Variants in SORCS2 observed in about 807,000 individuals in gnomAD.
The protein encoded by SORCS2 is sortilin related VPS10 domain containing receptor 2, also known as VPS10 domain-containing receptor SorCS2.
A neutral mutation model predicts 141.6 loss-of-function variants in SORCS2; 100 were observed. The ratio of observed to expected loss-of-function variants is 0.71; its 90% CI spans 0.60 to 0.83. The LOEUF (loss-of-function observed/expected upper bound fraction) is 0.83, where lower values mean the gene tolerates loss of function less well. Ranked by LOEUF, SORCS2 falls within the 40% of genes least tolerant of loss-of-function variation. The pLI is 0.00. For missense variants in SORCS2, 1,646 were observed against 1,560.2 expected (o/e 1.05, Z -0.93); for synonymous variants, 789 against 676.9 (o/e 1.17, Z -2.57).
At chr4:7,618,891 C>T (rs1046164351) in intron 3 of SORCS2, among the ~76,000 whole-genome samples, 4 of 152,052 alleles carry the variant, frequency 2.6e-5, no homozygotes. Context: ...AAGTCTCGGG[C>T]GGGGGCAGGA....
At chr4:7,349,888 C>T (rs1036968747) in intron 1 of SORCS2, among the ~76,000 whole-genome samples, 3 of 152,296 alleles carry the variant, frequency 2.0e-5, no homozygotes, top group African/African-American at 7.2e-5. Context: ...TGAAACAACT[C>T]TCCCAAGTGT....
chr4:7,453,226 T>C (rs1487892140), intron 2 of SORCS2, among the ~76,000 whole-genome samples: 65 of 35,984 alleles, frequency 1.8e-3, no homozygotes, highest in Middle Eastern at 0.031. Context: ...GTGTTGGGGT[T>C]AGGAGCTGTG....
intron 2 of SORCS2, among the ~76,000 whole-genome samples, chr4:7,489,728 T>C (rs1250534386): frequency 7.0e-6 from 1 of 143,862 alleles, no homozygotes; most frequent in East Asian, 1.9e-4. Flanking sequence ...GCATTTCTGA[T>C]GTTCACAGAC....
chr4:7,658,927 C>G (rs573210165), intron 5 of SORCS2, among the ~76,000 whole-genome samples: 38 of 152,320 alleles, frequency 2.5e-4, no homozygotes, highest in African/African-American at 9.1e-4. Flanking sequence ...GCTCCTGCCC[C>G]CAACGCTGAG....
chr4:7,342,238 T>G (rs1165758868), intron 1 of SORCS2, among the ~76,000 whole-genome samples: 1 of 151,852 alleles, frequency 6.6e-6, no homozygotes, highest in East Asian at 2.0e-4. Flanking sequence ...GTGACAGTGA[T>G]GTGGACATGG....
At chr4:7,724,920 TG>T (rs1727078793) in intron 19 of SORCS2, among the ~76,000 whole-genome samples, 3 of 33,286 alleles carry the variant, frequency 9.0e-5, no homozygotes, top group African/African-American at 5.2e-4. Context: ...TTGGTGGGAA[TG>T]GATGGTGGTA....
At chr4:7,196,900 T>C (rs1471341977) in intron 1 of SORCS2, among the ~76,000 whole-genome samples, 1 of 152,188 alleles carries the variant, frequency 6.6e-6, no homozygotes, top group African/African-American at 2.4e-5. Flanking sequence ...TCTACTATAC[T>C]ACCCATGGCC....
chr4:7,680,124 G>A (rs980369108), intron 9 of SORCS2, among the ~76,000 whole-genome samples: 6 of 152,182 alleles, frequency 3.9e-5, no homozygotes, highest in Admixed American at 2.0e-4. Flanking sequence ...AAAGACTTGC[G>A]GCACATTCCC....
intron 2 of SORCS2, among the ~76,000 whole-genome samples, chr4:7,521,543 C>T (rs1733329262): frequency 6.6e-6 from 1 of 152,234 alleles, no homozygotes; most frequent in Non-Finnish European, 1.5e-5. Flanking sequence ...CTGGGTACCT[C>T]TTCGCGGGTT....
intron 1 of SORCS2, among the ~76,000 whole-genome samples, chr4:7,204,249 T>G (rs564554132): frequency 3.5e-4 from 53 of 152,260 alleles, no homozygotes; most frequent in South Asian, 2.5e-3. Context: ...TGGGTCTTGC[T>G]CTGTTGCCTA....
intron 1 of SORCS2, among the ~76,000 whole-genome samples, chr4:7,308,252 G>A (rs369497425): frequency 3.3e-5 from 5 of 152,140 alleles, no homozygotes; most frequent in South Asian, 2.1e-4. Flanking sequence ...GTCAGTGCCC[G>A]GTGGGGCCTC....
chr4:7,657,339 G>C lies in SORCS2; in HGVS notation c.887+3132G>C, dbSNP rs116204251. On this transcript the variant is annotated intron_variant, in intron 5 of 26. Transcript: ENST00000507866. ...TGAATAAATGAGTGAATGAGTAGGT[G>C]AGTGAGTGAATGAGTGAATGAGTAA... Among the ~76,000 whole-genome samples the C allele has an allele frequency of 3.2e-3, 480 of 152,278 alleles. 1 individual carries two copies. The highest frequency in any genetic ancestry group is 2.6e-3 in the Non-Finnish European group (174 of 67,982).
chr4:7,548,817 A>T (rs1248271215), intron 3 of SORCS2, among the ~76,000 whole-genome samples: 1 of 152,220 alleles, frequency 6.6e-6, no homozygotes, highest in Non-Finnish European at 1.5e-5. Context: ...ACAAGCAAAG[A>T]GCAGCCACAT....
In SORCS2 at chr4:7,715,143, C is replaced by G. The variant is rs745921220; in HGVS notation, c.2124-40C>G. ...CAACCCTGGGTGACTCCGGTTCCCACCTGTGCCCGTCACTTACCACTACTC... is the reference window on the plus strand; with the variant it reads ...CAACCCTGGGTGACTCCGGTTCCCAGCTGTGCCCGTCACTTACCACTACTC... On this transcript the variant is annotated intron_variant, in intron 16 of 26. Coordinates refer to ENST00000507866, the MANE Select transcript of SORCS2 (RefSeq NM_020777.3). 1.9e-6 allele frequency: 3 copies of G among 1,607,636 alleles called. No homozygotes were observed. In the East Asian group the frequency reaches 6.7e-5, roughly 36 times the overall value.
rs76132952 is a variant in SORCS2 at position 7,325,522 on chromosome 4, C to T, written c.481-70766C>T. 4.0e-3 allele frequency among the ~76,000 whole-genome samples: 603 copies of T among 152,284 alleles called. 7 individuals carry two copies. In the East Asian group the frequency reaches 0.053, roughly 14 times the overall value. On this transcript the variant is annotated intron_variant, in intron 1 of 26. Transcript: ENST00000507866. ...TGGTCTCACACAGCTGCAGGGCACT[C>T]GGGGCTTTCACTGGGCACCCTAAGG... is the stretch of plus-strand genomic sequence containing the variant.
At chr4:7,314,772 G>A (rs530703124) in intron 1 of SORCS2, among the ~76,000 whole-genome samples, 66 of 150,496 alleles carry the variant, frequency 4.4e-4, no homozygotes, top group African/African-American at 1.2e-3. Context: ...GGGCATAGCC[G>A]GGCTCCCAGG....
chr4:7,477,740 G>A (rs980066596), intron 2 of SORCS2, among the ~76,000 whole-genome samples: 6 of 152,136 alleles, frequency 3.9e-5, no homozygotes, highest in South Asian at 2.1e-4. Context: ...CAGTGAAGCC[G>A]GAGAGAAAAT....
Position 7,712,728 on chromosome 4 carries a change from C to G in SORCS2, c.1869-5C>G, listed in dbSNP as rs770337393. 17 of 1,613,960 alleles carry G rather than the reference C, an allele frequency of 1.1e-5. No individual in the cohort carries two copies. The East Asian group carries it at 3.6e-4, about 34-fold the overall frequency. Reference sequence around the variant, plus strand: ...TCTCTCCCTTCCCTCCTCTTCCCACCCCAGGGTCTTTGGCCACATCAGCTT... The same window carrying G: ...TCTCTCCCTTCCCTCCTCTTCCCACGCCAGGGTCTTTGGCCACATCAGCTT... On this transcript the variant is annotated splice_polypyrimidine_tract_variant and splice_region_variant and intron_variant, in intron 14 of 26. Transcript: ENST00000507866.
intron 3 of SORCS2, among the ~76,000 whole-genome samples, chr4:7,567,866 A>G (rs1715130791): frequency 6.6e-6 from 1 of 152,206 alleles, no homozygotes; most frequent in Non-Finnish European, 1.5e-5. Flanking sequence ...TTCTCCTTTC[A>G]GCTATAATCC....
Sources: gnomAD v4.1 joint callset for allele counts (sites outside exome capture counted in the v4.1 genomes callset) on GRCh38, gnomAD v4.1.1 for gene constraint, MANE v1.5 for transcripts, NCBI Gene and HGNC (gene_info 2026-07-23, HGNC 2026-07-21) for gene names.